CFAP20DC: variants seen among roughly 807,000 people sequenced by gnomAD.
CFAP20DC encodes the protein protein CFAP20DC.
A neutral mutation model predicts 101.7 loss-of-function variants in CFAP20DC; 84 were observed. That is an observed-to-expected ratio of 0.83 (90% CI 0.69 to 0.99). The LOEUF is 0.99. CFAP20DC is among the 50% of genes least tolerant of loss of function. The probability of loss-of-function intolerance (pLI) is 0.00; values close to 1 mark genes in which losing one functional copy is unlikely to be tolerated. For missense variants in CFAP20DC, 1,007 were observed against 970.3 expected (o/e 1.04, Z -0.50); for synonymous variants, 359 against 351.2 (o/e 1.02, Z -0.25).
rs940615292 is a variant in CFAP20DC, at chr3:58,868,345, G to A, written c.1016-409C>T. Reference sequence around the variant, plus strand: ...AGAGAGCAGCTTCCAAAAGAGCCCTGGAGAACTGAGGTCAAGCTGAAGAAG... The same window carrying A: ...AGAGAGCAGCTTCCAAAAGAGCCCTAGAGAACTGAGGTCAAGCTGAAGAAG... On this transcript the variant is annotated intron_variant, in intron 9 of 16. Transcript: ENST00000482387. This position sits in a 1 kb window ranked among gnomAD's most constrained non-coding sequence, Gnocchi z 4.6. 1.4e-4 allele frequency among the ~76,000 whole-genome samples: 21 copies of A among 152,052 alleles called. No homozygotes were observed. Among genetic ancestry groups the A allele is most frequent in the Admixed American group, 6.6e-5 (1 of 15,250 alleles).
At chr3:58,797,696 C>T (rs1405552616) in intron 15 of CFAP20DC, among the ~76,000 whole-genome samples, 1 of 152,150 alleles carries the variant, frequency 6.6e-6, no homozygotes, top group Non-Finnish European at 1.5e-5. Flanking sequence ...TCTAGGACTT[C>T]CATTACTAGA....
chr3:58,808,897 A>C (rs1189479524), intron 14 of CFAP20DC, among the ~76,000 whole-genome samples: 1 of 152,166 alleles, frequency 6.6e-6, no homozygotes, highest in Non-Finnish European at 1.5e-5. Flanking sequence ...AAAACAAAAA[A>C]AGGCAGGGGT....
Position 58,742,051 on chromosome 3 carries a change from A to T in CFAP20DC, c.*409T>A. 1 of 965,868 alleles carries T rather than the reference A, an allele frequency of 1.0e-6. No homozygotes were observed. Among genetic ancestry groups the T allele is most frequent in the Non-Finnish European group, 1.2e-6 (1 of 811,652 alleles). 59.8% of individuals were successfully genotyped at this position (965,868 alleles called of 1,614,324 possible). ...TTTATTTTTAATACAAATGCCATAAAATAAAAGGTACCCAGGCATCTTTTA... is the reference window on the plus strand; with the variant it reads ...TTTATTTTTAATACAAATGCCATAATATAAAAGGTACCCAGGCATCTTTTA... On this transcript the variant is annotated 3_prime_UTR_variant, in exon 17 of 17. Coordinates refer to ENST00000482387, the MANE Select transcript of CFAP20DC (RefSeq NM_001394063.1).
chr3:59,025,716 C>G (rs1001833159), intron 4 of CFAP20DC, among the ~76,000 whole-genome samples: 1 of 152,120 alleles, frequency 6.6e-6, no homozygotes, highest in African/African-American at 2.4e-5. Flanking sequence ...AGGACCCTGA[C>G]TTGTGCCCTG....
intron 14 of CFAP20DC, among the ~76,000 whole-genome samples, chr3:58,809,107 A>T (rs367762468): frequency 1.7e-4 from 26 of 152,028 alleles, no homozygotes; most frequent in Admixed American, 4.6e-4. Context: ...CTCCCACACA[A>T]TAATAATGGG....
intron 4 of CFAP20DC, among the ~76,000 whole-genome samples, chr3:58,988,284 T>C (rs2092817778): frequency 6.6e-6 from 1 of 152,146 alleles, no homozygotes; most frequent in African/African-American, 2.4e-5. Context: ...ACTAGAAAAG[T>C]AAGCACTTTA....
Position 58,894,610 on chromosome 3 carries a change from T to G in CFAP20DC, c.551-9901A>C, listed in dbSNP as rs572341289. Among the ~76,000 whole-genome samples the G allele has an allele frequency of 5.3e-5, 8 of 152,310 alleles. No homozygotes were observed. The South Asian group carries it at 1.7e-3, about 32-fold the overall frequency. The stretch of plus-strand genomic sequence containing the variant: ...GATGCTTTCATGGGCTGGCACTGTC[T>G]GTGGGTTTTCCAGGCACACAGTGCA... On this transcript the variant is annotated intron_variant, in intron 6 of 16. Transcript: ENST00000482387. The surrounding 1 kb of genome is among the most constrained non-coding windows in gnomAD (Gnocchi z 4.1).
chr3:58,865,262 T>C (rs913839799), intron 11 of CFAP20DC, among the ~76,000 whole-genome samples: 3 of 152,144 alleles, frequency 2.0e-5, no homozygotes, highest in Admixed American at 1.3e-4. Context: ...AAGCCTACAA[T>C]GCAAAAGCAA....
intron 14 of CFAP20DC, among the ~76,000 whole-genome samples, chr3:58,807,216 T>A (rs1424076844): frequency 2.6e-5 from 4 of 152,152 alleles, no homozygotes; most frequent in African/African-American, 9.7e-5. Context: ...AGAGCAGTGG[T>A]TCTCCCAGCA....
intron 16 of CFAP20DC, among the ~76,000 whole-genome samples, chr3:58,750,664 A>G (rs1402991368): frequency 6.6e-6 from 1 of 152,190 alleles, no homozygotes; most frequent in Non-Finnish European, 1.5e-5. Context: ...ATCTTGGTCA[A>G]GTCATTTACC....
rs1198590940 is a variant in CFAP20DC at position 58,753,765 on chromosome 3, C to T, written c.2332+4G>A. On this transcript the variant is annotated splice_donor_region_variant and intron_variant, in intron 16 of 16. Coordinates refer to ENST00000482387, the MANE Select transcript of CFAP20DC (RefSeq NM_001394063.1). ...CTTATGCATATCGTTTTTCATAGTCCCACCTTGAACACTCAAACTTTCACA... is the reference window on the plus strand; with the variant it reads ...CTTATGCATATCGTTTTTCATAGTCTCACCTTGAACACTCAAACTTTCACA... The T allele has an allele frequency of 1.3e-6, 2 of 1,597,180 alleles. No homozygotes were observed. The highest frequency in any genetic ancestry group is 2.7e-5 in the African/African-American group (2 of 74,368).
intron 15 of CFAP20DC, among the ~76,000 whole-genome samples, chr3:58,779,724 G>A (rs2071651539): frequency 1.3e-5 from 2 of 152,116 alleles, no homozygotes; most frequent in Non-Finnish European, 2.9e-5. Context: ...ACCATAAAGT[G>A]ACCAAATATT....
intron 4 of CFAP20DC, among the ~76,000 whole-genome samples, chr3:59,027,267 T>A (rs778477793): frequency 2.0e-5 from 3 of 151,970 alleles, no homozygotes; most frequent in Non-Finnish European, 4.4e-5. Flanking sequence ...ACTTTCAGGG[T>A]TTTTTTTCTT....
chr3:58,794,753 A>T (rs546211300), intron 15 of CFAP20DC, among the ~76,000 whole-genome samples: 7 of 152,292 alleles, frequency 4.6e-5, no homozygotes, highest in African/African-American at 1.7e-4. Flanking sequence ...TGTTCTGAAG[A>T]TGCCCACACA....
In CFAP20DC at chr3:58,868,899, C is replaced by T. The variant is rs1412154201; in HGVS notation, c.1015+429G>A. Among the ~76,000 whole-genome samples the T allele has an allele frequency of 2.2e-4, 34 of 152,016 alleles. No individual in the cohort carries two copies. The highest frequency in any genetic ancestry group is 2.2e-3 in the Admixed American group (34 of 15,268). On this transcript the variant is annotated intron_variant, in intron 9 of 16. Transcript: ENST00000482387. This position sits in a 1 kb window ranked among gnomAD's most constrained non-coding sequence, Gnocchi z 4.6. Reference sequence around the variant, plus strand: ...TTAAATCTCTATCTGTAAAATGGAACAAAAATCCTTTTTCACTTACAGGGT... The same window carrying T: ...TTAAATCTCTATCTGTAAAATGGAATAAAAATCCTTTTTCACTTACAGGGT...
chr3:58,717,616 C>G lies in CFAP20DC; in HGVS notation c.212G>C (p.Gly71Ala). The G allele has an allele frequency of 2.2e-6, 1 of 452,406 alleles. No homozygotes were observed. Among genetic ancestry groups the G allele is most frequent in the South Asian group, 1.6e-5 (1 of 63,192 alleles). 28.0% of individuals were successfully genotyped at this position (452,406 alleles called of 1,614,324 possible). A position where few individuals can be genotyped will look rare whatever the true frequency, so the allele number is the denominator to read the frequency against. Residue 71 changes from glycine (G) to alanine (A), a missense_variant, in exon 4 of 4, where the codon GGA becomes GCA. By Grantham distance (60) the Gly-to-Ala change is moderately conservative. Coordinates refer to the CFAP20DC transcript ENST00000486145. This position sits in a 1 kb window ranked among gnomAD's most constrained non-coding sequence, Gnocchi z 4.1. ...CAGTTGCAAAATGGCTGTAGCACTT[C>G]CAGACATTTCTTCTGCATTTCAGGT...
intron 13 of CFAP20DC, among the ~76,000 whole-genome samples, chr3:58,847,651 G>GAC: frequency 6.6e-6 from 1 of 151,316 alleles, no homozygotes; most frequent in Non-Finnish European, 1.5e-5. Context: ...ATTTGACCCA[G>GAC]CCATCCCATT....
intron 15 of CFAP20DC, among the ~76,000 whole-genome samples, chr3:58,797,402 G>A (rs2073339742): frequency 6.6e-6 from 1 of 152,200 alleles, no homozygotes; most frequent in Non-Finnish European, 1.5e-5. Context: ...TTAAGCCAAA[G>A]CCTAATCCAG....
intron 7 of CFAP20DC, among the ~76,000 whole-genome samples, chr3:58,873,794 A>C (rs1455238193): frequency 6.6e-6 from 1 of 152,062 alleles, no homozygotes; most frequent in East Asian, 1.9e-4. Flanking sequence ...GCAGGCGTTC[A>C]AGCTGAAGTC....
Sources: gnomAD v4.1 joint callset for allele counts (sites outside exome capture counted in the v4.1 genomes callset) on GRCh38, gnomAD v4.1.1 for gene constraint, Gnocchi (gnomAD v3.1) non-coding constraint, MANE v1.5 for transcripts, NCBI Gene and HGNC (gene_info 2026-07-23, HGNC 2026-07-21) for gene names.